The following ST3GAL6 variants were observed in gnomAD, a reference collection of about 807,000 sequenced individuals.
ST3GAL6 encodes ST3 beta-galactoside alpha-2,3-sialyltransferase 6.
In ST3GAL6, 31 loss-of-function variants were observed where a neutral mutation model predicts 40.5. The observed-to-expected ratio is 0.77, with a 90% CI of 0.58 to 1.03. The LOEUF (loss-of-function observed/expected upper bound fraction) is 1.03, where lower values mean the gene tolerates loss of function less well. ST3GAL6 is among the 50% of genes least tolerant of loss of function. The probability of loss-of-function intolerance (pLI) is 0.00; values close to 1 mark genes in which losing one functional copy is unlikely to be tolerated. For synonymous variants in ST3GAL6, 129 were observed against 136.9 expected, an observed-to-expected ratio of 0.94 and a Z score of 0.40; for missense variants, 357 against 393.2, an observed-to-expected ratio of 0.91 and a Z score of 0.78.
At chr3:98,765,845 T>C (rs1421649341) in intron 1 of ST3GAL6, among the ~76,000 whole-genome samples, 1 of 152,198 alleles carries the variant, frequency 6.6e-6, no homozygotes, top group Admixed American at 6.5e-5. Context: ...TTAAATTCTG[T>C]TTTTTTCTTT....
At chr3:98,752,459 T>C (rs1189304018) in intron 1 of ST3GAL6, among the ~76,000 whole-genome samples, 3 of 151,822 alleles carry the variant, frequency 2.0e-5, no homozygotes, top group African/African-American at 7.2e-5. Context: ...TTTCTTTCTT[T>C]TTAAATTTTA....
At chr3:98,771,621 A>AT (rs1305617005) in intron 3 of ST3GAL6, among the ~76,000 whole-genome samples, 4 of 152,098 alleles carry the variant, frequency 2.6e-5, no homozygotes, top group South Asian at 4.1e-4. Context: ...TTAAAAATTC[A>AT]TTTTTTTTCC....
At chr3:98,785,976 A>G (rs774908975) in intron 6 of ST3GAL6, among the ~76,000 whole-genome samples, 22 of 152,132 alleles carry the variant, frequency 1.4e-4, no homozygotes, top group Non-Finnish European at 2.4e-4. Flanking sequence ...GAAATCAAGG[A>G]TGCCTCCTAC....
At position 98,795,368 on chromosome 3, in the gene ST3GAL6, G is replaced by T. The variant is rs1353396426; in HGVS notation, c.*1607G>T. The stretch of plus-strand genomic sequence containing the variant: ...GCGGTACTTATAAAGCAGAATAAAG[G>T]GGAGAACAGTAGTAGTTGATCTAAC... On this transcript the variant is annotated 3_prime_UTR_variant, in exon 10 of 10. Transcript: ENST00000483910. 1 of 152,162 alleles carries T rather than the reference G, an allele frequency of 6.6e-6. No individual in the cohort carries two copies. Among genetic ancestry groups the T allele is most frequent in the Non-Finnish European group, 1.5e-5 (1 of 68,032 alleles). 9.4% of individuals were successfully genotyped at this position (152,162 alleles called of 1,614,324 possible).
intron 1 of ST3GAL6, among the ~76,000 whole-genome samples, chr3:98,754,237 T>C (rs1937247973): frequency 6.6e-6 from 1 of 152,174 alleles, no homozygotes; most frequent in African/African-American, 2.4e-5. Flanking sequence ...GAGGTCAAAA[T>C]ATCCACTTTA....
intron 1 of ST3GAL6, among the ~76,000 whole-genome samples, chr3:98,740,320 T>C (rs893973315): frequency 7.6e-6 from 1 of 130,884 alleles, no homozygotes; most frequent in Non-Finnish European, 1.6e-5. Flanking sequence ...AAATCTTATA[T>C]TCAAGCTCTC....
intron 1 of ST3GAL6, among the ~76,000 whole-genome samples, chr3:98,741,083 T>TGTGTGTGTGA (rs374127164): frequency 0.16 from 24,758 of 150,208 alleles, 2,146 homozygotes; most frequent in African/African-American, 0.19. Context: ...TGTGTGTGTG[T>TGTGTGTGTGA]GCATGCATGT....
At chr3:98,780,473 GA>G (rs1421465425) in intron 5 of ST3GAL6, among the ~76,000 whole-genome samples, 1 of 151,908 alleles carries the variant, frequency 6.6e-6, no homozygotes, top group Non-Finnish European at 1.5e-5. Context: ...AAGCTGACAG[GA>G]AAAAAAAGTA....
At chr3:98,775,778 C>T (rs1285909235) in intron 5 of ST3GAL6, among the ~76,000 whole-genome samples, 1 of 152,200 alleles carries the variant, frequency 6.6e-6, no homozygotes, top group Non-Finnish European at 1.5e-5. Flanking sequence ...AATCTCCCCA[C>T]TCCCCACCAT....
At chr3:98,790,914 A>C (rs1163185808) in intron 8 of ST3GAL6, among the ~76,000 whole-genome samples, 4 of 152,168 alleles carry the variant, frequency 2.6e-5, no homozygotes, top group African/African-American at 9.7e-5. Flanking sequence ...AGGATAAAGA[A>C]AATTTTATGC....
chr3:98,733,247 A>G (rs1576008023), intron 1 of ST3GAL6: 1 of 978,100 alleles, frequency 1.0e-6, no homozygotes, highest in Non-Finnish European at 1.2e-6. Context: ...CGCCGCAGCC[A>G]CCGCCGAGAG....
At position 98,773,959 on chromosome 3, in the gene ST3GAL6, G is replaced by T; in HGVS notation, c.311G>T (p.Cys104Phe). ...CTTGCTCTTTCAAAACTGCAGAGTT[G>T]TGATCTCTTTGATGAGTTTGACAAG... is the stretch of plus-strand genomic sequence containing the variant. ...FRLALSKLQS[C>F]DLFDEFDNIP... The change falls in exon 5 of 10, where the codon TGT becomes TTT. Residue 104 changes from cysteine to phenylalanine, a missense_variant. Coordinates refer to ENST00000483910, the MANE Select transcript of ST3GAL6 (RefSeq NM_001323368.2). The T allele has an allele frequency of 6.2e-7, 1 of 1,613,420 alleles. No homozygotes were observed. Among genetic ancestry groups the T allele is most frequent in the South Asian group, 1.1e-5 (1 of 90,976 alleles).
At chr3:98,770,475 C>T (rs572743901) in intron 2 of ST3GAL6, 29 of 178,098 alleles carry the variant, frequency 1.6e-4, no homozygotes, top group Middle Eastern at 2.6e-3. Context: ...TGCCGGTGTG[C>T]GTCAGCAGAT....
At chr3:98,780,104 T>G (rs1280777693) in intron 5 of ST3GAL6, among the ~76,000 whole-genome samples, 1 of 152,158 alleles carries the variant, frequency 6.6e-6, no homozygotes, top group Non-Finnish European at 1.5e-5. Flanking sequence ...ACAAGCCAAA[T>G]GGATGAAGTC....
intron 1 of ST3GAL6, among the ~76,000 whole-genome samples, chr3:98,748,658 G>A (rs1012179435): frequency 6.6e-6 from 1 of 152,082 alleles, no homozygotes; most frequent in Non-Finnish European, 1.5e-5. Context: ...TAGAGACGGG[G>A]TTTTGCCATG....
At chr3:98,752,058 C>A (rs1226933774) in intron 1 of ST3GAL6, among the ~76,000 whole-genome samples, 1 of 152,048 alleles carries the variant, frequency 6.6e-6, no homozygotes, top group East Asian at 1.9e-4. Flanking sequence ...AGCAGAAAAA[C>A]CCCACCTTCA....
At chr3:98,737,208 C>G (rs1201963846) in intron 1 of ST3GAL6, among the ~76,000 whole-genome samples, 1 of 152,116 alleles carries the variant, frequency 6.6e-6, no homozygotes, top group African/African-American at 2.4e-5. Context: ...ACCACCACAC[C>G]TGGCTATTTT....
chr3:98,773,033 G>A, intron 4 of ST3GAL6, 117 bp downstream of exon 4: 1 of 612,322 alleles, frequency 1.6e-6, no homozygotes, highest in Non-Finnish European at 2.9e-6. Flanking sequence ...ATTTCCAATG[G>A]ATATGATTTT....
intron 5 of ST3GAL6, among the ~76,000 whole-genome samples, 197 bp downstream of exon 5, chr3:98,774,180 A>G (rs763226138): frequency 6.6e-6 from 1 of 152,222 alleles, no homozygotes; most frequent in Non-Finnish European, 1.5e-5. Context: ...GTTGGCTCAA[A>G]AGTTTGCAGA....
Sources: allele counts gnomAD v4.1 joint callset (sites outside exome capture counted in the v4.1 genomes callset), GRCh38; gene constraint gnomAD v4.1.1; transcripts MANE v1.5; gene names NCBI Gene and HGNC (gene_info 2026-07-23, HGNC 2026-07-21).